MRGPRX2: variants seen among roughly 807,000 people sequenced by gnomAD.
MRGPRX2 encodes mas-related G protein-coupled receptor member X2.
For missense variants in MRGPRX2, 389 were observed against 404.5 expected, an observed-to-expected ratio of 0.96 and a Z score of 0.33; for synonymous variants, 183 against 175.6, an observed-to-expected ratio of 1.04 and a Z score of -0.33.
chr11:19,056,908 G>A (rs149367897), intron 1 of MRGPRX2, among the ~76,000 whole-genome samples: 2 of 152,286 alleles, frequency 1.3e-5, no homozygotes, highest in Non-Finnish European at 2.9e-5. Flanking sequence ...GTGATTTAGG[G>A]TCATAACGGA....
At chr11:19,057,699 G>T (rs1369122460) in intron 1 of MRGPRX2, among the ~76,000 whole-genome samples, 1 of 152,250 alleles carries the variant, frequency 6.6e-6, no homozygotes, top group Admixed American at 6.5e-5. Context: ...TTACACTTGG[G>T]AAGGAGCCCT....
chr11:19,058,919 T>A (rs985677118), intron 1 of MRGPRX2, among the ~76,000 whole-genome samples: 1 of 152,136 alleles, frequency 6.6e-6, no homozygotes, highest in African/African-American at 2.4e-5. Flanking sequence ...CTGAATCACA[T>A]GGTGAAAAGC....
At chr11:19,057,080 G>A (rs1372687584) in intron 1 of MRGPRX2, among the ~76,000 whole-genome samples, 1 of 152,144 alleles carries the variant, frequency 6.6e-6, no homozygotes, top group Admixed American at 6.5e-5. Context: ...GGGTCAAGAA[G>A]TTTGTACCAC....
chr11:19,055,399 G>A lies in MRGPRX2; in HGVS notation c.*11C>T. 1 of 1,589,794 alleles carries A rather than the reference G, an allele frequency of 6.3e-7. No homozygotes were observed. On this transcript the variant is annotated 3_prime_UTR_variant, in exon 2 of 2. Coordinates refer to ENST00000329773, the MANE Select transcript of MRGPRX2 (RefSeq NM_054030.4). ...CCACATATATCTGATGGAAGTAGAG[G>A]CTGTCCATCTCTACACCAGACTGCT... is the stretch of plus-strand genomic sequence containing the variant.
Position 19,056,153 on chromosome 11 carries a change from T to C in MRGPRX2, c.250A>G (p.Ile84Val), listed in dbSNP as rs1849616079. The change falls in exon 2 of 2, where the codon ATA becomes GTA. Residue 84 changes from isoleucine to valine, a missense_variant. By Grantham distance (29) the Ile-to-Val change is conservative (BLOSUM62 3). Coordinates refer to ENST00000329773, the MANE Select transcript of MRGPRX2 (RefSeq NM_054030.4). Reference sequence around the variant, plus strand: ...TTACTGAGGTACACCAGGCAATTTATAATCTGGAAGCAGAGGAAGAGGAAG... The same window carrying C: ...TTACTGAGGTACACCAGGCAATTTACAATCTGGAAGCAGAGGAAGAGGAAG... ...ADFLFLCFQI[I>V]NCLVYLSNFF... The C allele has an allele frequency of 6.2e-7, 1 of 1,614,188 alleles. No individual in the cohort carries two copies. Among genetic ancestry groups the C allele is most frequent in the Non-Finnish European group, 8.5e-7 (1 of 1,180,038 alleles).
At chr11:19,060,568 TAAAA>T (rs71987524) in intron 1 of MRGPRX2, 47 bp downstream of exon 1, 73,436 of 151,648 alleles carry the variant, frequency 0.48, 20,249 homozygotes, top group Non-Finnish European at 0.61. Context: ...TGGACTAAGG[TAAAA>T]ACCAAAACTG....
rs777793864 is a variant in MRGPRX2 at position 19,055,920 on chromosome 11, G to T, written c.483C>A (p.Ser161Arg). The change falls in exon 2 of 2, where the codon AGC (serine) becomes AGA (arginine). Residue 161 changes from serine (S) to arginine (R), a missense_variant. By Grantham distance (110) the Ser-to-Arg change is moderately radical. Coordinates refer to ENST00000329773, the MANE Select transcript of MRGPRX2 (RefSeq NM_054030.4). Reference protein sequence around the residue: ...VLLWALSLLLSILEGKFCGFL... With the variant: ...VLLWALSLLLRILEGKFCGFL... ...AGCCACAGAACTTCCCTTCCAAGAT[G>T]CTCAGCAGTAGGGACAGGGCCCAGA... 5.6e-6 allele frequency: 9 copies of T among 1,614,218 alleles called. No homozygotes were observed. The highest frequency in any genetic ancestry group is 7.6e-6 in the Non-Finnish European group (9 of 1,180,052).
At position 19,056,229 on chromosome 11, in the gene MRGPRX2, G is replaced by A; in HGVS notation, c.174C>T (p.Arg58=). 6.2e-7 allele frequency: 1 copy of A among 1,614,134 alleles called. No homozygotes were observed. The highest frequency in any genetic ancestry group is 8.5e-7 in the Non-Finnish European group (1 of 1,179,958). ...NGFVLWLLGF[R]MRRNAFSVYV... ...AGACAGAGAAGGCGTTCCTGCGCAT[G>A]CGGAAGCCCAGGAGCCAGAGCACAA... Residue 58 remains arginine (R), a synonymous_variant, in exon 2 of 2, where the codon CGC becomes CGT. Transcript: ENST00000329773.
chr11:19,056,163 G>A lies in MRGPRX2; in HGVS notation c.240C>T (p.Cys80=). Residue 80 remains cysteine (C), a synonymous_variant, in exon 2 of 2, where the codon TGC becomes TGT. Transcript: ENST00000329773. ...SLAGADFLFL[C]FQIINCLVYL... ...ACACCAGGCAATTTATAATCTGGAAGCAGAGGAAGAGGAAGTCGGCCCCGG... is the reference window on the plus strand; with the variant it reads ...ACACCAGGCAATTTATAATCTGGAAACAGAGGAAGAGGAAGTCGGCCCCGG... 6.2e-7 allele frequency: 1 copy of A among 1,614,246 alleles called. No homozygotes were observed. The highest frequency in any genetic ancestry group is 8.5e-7 in the Non-Finnish European group (1 of 1,180,042).
Position 19,055,678 on chromosome 11 carries a change from T to G in MRGPRX2, c.725A>C (p.Gln242Pro). 3 of 1,614,084 alleles carry G rather than the reference T, an allele frequency of 1.9e-6. No homozygotes were observed. The highest frequency in any genetic ancestry group is 2.5e-6 in the Non-Finnish European group (3 of 1,180,024). The change falls in exon 2 of 2, where the codon CAG becomes CCG. Residue 242 changes from glutamine (Q) to proline (P), a missense_variant. By Grantham distance (76) the Gln-to-Pro change is moderately conservative. Coordinates refer to ENST00000329773, the MANE Select transcript of MRGPRX2 (RefSeq NM_054030.4). Reference sequence around the variant, plus strand: ...CCAGATCCATAATATTAGGAACCACTGAATGCCAAAGGGCAGGCCGCAGAG... The same window carrying G: ...CCAGATCCATAATATTAGGAACCACGGAATGCCAAAGGGCAGGCCGCAGAG... ...FLLCGLPFGI[Q>P]WFLILWIWKD...
chr11:19,060,611 ACT>A lies in MRGPRX2; in HGVS notation c.-26+6_-26+7del, dbSNP rs1188717546. 1.3e-5 allele frequency: 2 copies of A among 151,976 alleles called. No homozygotes were observed. The highest frequency in any genetic ancestry group is 2.9e-5 in the Non-Finnish European group (2 of 68,016). The allele number at this position is 151,976 out of a possible 1,614,324, so 9.4% of individuals were successfully genotyped here. A position where few individuals can be genotyped will look rare whatever the true frequency, so the allele number is the denominator to read the frequency against. On this transcript the variant is annotated splice_donor_region_variant and intron_variant, in intron 1 of 1. Transcript: ENST00000329773. ...TTGAAAGAAGATGGTTCTTGAACAA[ACT>A]CTTACCTTAACACCCTTCTTTCTAC...
At chr11:19,059,492 G>T (rs74328056) in intron 1 of MRGPRX2, among the ~76,000 whole-genome samples, 9,566 of 151,924 alleles carry the variant, frequency 0.063, 900 homozygotes, top group African/African-American at 0.19. Flanking sequence ...CTTATAGCTG[G>T]GAGTACCTAT....
At chr11:19,056,669 A>G (rs995880509) in intron 1 of MRGPRX2, among the ~76,000 whole-genome samples, 1 of 152,160 alleles carries the variant, frequency 6.6e-6, no homozygotes, top group African/African-American at 2.4e-5. Flanking sequence ...GGAATATTCT[A>G]AGGCCCAAAC....
At position 19,056,277 on chromosome 11, in the gene MRGPRX2, C is replaced by A. The variant is rs747714356; in HGVS notation, c.126G>T (p.Leu42=). The A allele has an allele frequency of 1.2e-5, 19 of 1,614,106 alleles. No individual in the cohort carries two copies. The highest frequency in any genetic ancestry group is 1.6e-5 in the Non-Finnish European group (19 of 1,180,044). ...CAAACCCGTTTCCTACCAGCCCGACCAGGGCAATGAAAAGGATCAGGAAGA... is the reference window on the plus strand; with the variant it reads ...CAAACCCGTTTCCTACCAGCCCGACAAGGGCAATGAAAAGGATCAGGAAGA... ...IPVFLILFIA[L]VGLVGNGFVL... Residue 42 remains leucine (L), a synonymous_variant, in exon 2 of 2, where the codon CTG becomes CTT. Transcript: ENST00000329773.
chr11:19,054,829 A>C lies in MRGPRX2; in HGVS notation c.*581T>G, dbSNP rs1218823884. On this transcript the variant is annotated 3_prime_UTR_variant, in exon 2 of 2. Transcript: ENST00000329773. ...AAAATTCAAAAGTAGTGAAAGCAAT[A>C]AATTTAGTGACTCAAATCTGGTAAA... The C allele has an allele frequency of 6.6e-6, 1 of 152,230 alleles. No homozygotes were observed. Among genetic ancestry groups the C allele is most frequent in the Non-Finnish European group, 1.5e-5 (1 of 68,042 alleles). The allele number at this position is 152,230 out of a possible 1,614,324, so 9.4% of individuals were successfully genotyped here.
chr11:19,054,651 G>T lies in MRGPRX2; in HGVS notation c.*759C>A, dbSNP rs919314247. 2 of 152,204 alleles carry T rather than the reference G, an allele frequency of 1.3e-5. No individual in the cohort carries two copies. Among genetic ancestry groups the T allele is most frequent in the South Asian group, 4.1e-4 (2 of 4,830 alleles). The allele number at this position is 152,204 out of a possible 1,614,324, so 9.4% of individuals were successfully genotyped here. ...GAGAGCCCCCAGAGAGGGAAGATTA[G>T]AACAAAGGCAAAGGGGAAGGAATGG... is the stretch of plus-strand genomic sequence containing the variant. On this transcript the variant is annotated 3_prime_UTR_variant, in exon 2 of 2. Coordinates refer to ENST00000329773, the MANE Select transcript of MRGPRX2 (RefSeq NM_054030.4).
Position 19,056,141 on chromosome 11 carries a change from C to A in MRGPRX2, c.262G>T (p.Val88Leu). ...FLCFQIINCL[V>L]YLSNFFCSIS... ...GAACAGAAGAAGTTACTGAGGTACA[C>A]CAGGCAATTTATAATCTGGAAGCAG... The change falls in exon 2 of 2, where the codon GTG becomes TTG. Residue 88 changes from valine (V) to leucine (L), a missense_variant. Physicochemically the swap from Val to Leu is conservative, Grantham distance 32. Transcript: ENST00000329773. The A allele has an allele frequency of 6.2e-7, 1 of 1,614,206 alleles. No individual in the cohort carries two copies. The highest frequency in any genetic ancestry group is 1.3e-5 in the African/African-American group (1 of 75,038).
In MRGPRX2 at chr11:19,055,244, A is replaced by G; in HGVS notation, c.*166T>C. 1.4e-6 allele frequency: 1 copy of G among 694,324 alleles called. No individual in the cohort carries two copies. The highest frequency in any genetic ancestry group is 2.4e-6 in the Non-Finnish European group (1 of 424,664). 43.0% of individuals were successfully genotyped at this position (694,324 alleles called of 1,614,324 possible). ...CTGTGAGTAAGGCAGTTCCAGAGAC[A>G]CTGCACTTAGTGTTTGTTTCATAGG... On this transcript the variant is annotated 3_prime_UTR_variant, in exon 2 of 2. Coordinates refer to ENST00000329773, the MANE Select transcript of MRGPRX2 (RefSeq NM_054030.4).
chr11:19,055,813 A>T lies in MRGPRX2; in HGVS notation c.590T>A (p.Val197Asp), dbSNP rs749290973. 4 of 1,614,174 alleles carry T rather than the reference A, an allele frequency of 2.5e-6. No individual in the cohort carries two copies. In the Admixed American group the frequency reaches 5.0e-5, roughly 20 times the overall value. Reference protein sequence around the residue: ...TAAWLIFLFMVLCGSSLALLV... With the variant: ...TAAWLIFLFMDLCGSSLALLV... ...CAGGGCCAGACTGGACCCACAGAGA[A>T]CCATGAATAAAAAAATCAGCCACGC... Residue 197 changes from valine to aspartate, a missense_variant, in exon 2 of 2, where the codon GTT (valine) becomes GAT (aspartate). By Grantham distance (152) the Val-to-Asp change is radical. Transcript: ENST00000329773.
Sources: gnomAD v4.1 joint callset for allele counts (sites outside exome capture counted in the v4.1 genomes callset) on GRCh38, gnomAD v4.1.1 for gene constraint, MANE v1.5 for transcripts, NCBI Gene and HGNC (gene_info 2026-07-23, HGNC 2026-07-21) for gene names.